CCDC60: variants seen among roughly 807,000 people sequenced by gnomAD.
CCDC60 encodes coiled-coil domain containing 60.
CCDC60 carries 54 observed loss-of-function variants against 63.5 expected under a neutral mutation model. The ratio of observed to expected loss-of-function variants is 0.85; its 90% CI spans 0.68 to 1.07. The LOEUF (loss-of-function observed/expected upper bound fraction) is 1.07. CCDC60 is among the 50% of genes least tolerant of loss of function. The pLI is 0.00. For synonymous variants in CCDC60, 206 were observed against 238.8 expected, an observed-to-expected ratio of 0.86 and a Z score of 1.27; for missense variants, 651 against 684.3, an observed-to-expected ratio of 0.95 and a Z score of 0.54.
intron 2 of CCDC60, among the ~76,000 whole-genome samples, chr12:119,446,859 G>A (rs1950553352): frequency 6.6e-6 from 1 of 152,118 alleles, no homozygotes; most frequent in Non-Finnish European, 1.5e-5. Flanking sequence ...AAAAGTCACA[G>A]GGAGTTGGTG....
intron 9 of CCDC60, 39 bp from the exon 10 acceptor site, chr12:119,522,899 CA>C: frequency 6.2e-7 from 1 of 1,602,822 alleles, no homozygotes; most frequent in Non-Finnish European, 8.5e-7. Context: ...TCTTGAAAAG[CA>C]GACTCTGAGC....
At chr12:119,344,855 T>TCTCTCACACACA (rs1232194303) in intron 1 of CCDC60, among the ~76,000 whole-genome samples, 4 of 114,798 alleles carry the variant, frequency 3.5e-5, no homozygotes, top group Middle Eastern at 4.6e-3. Context: ...TCTCTCTCTC[T>TCTCTCACACACA]CACACACACA....
intron 8 of CCDC60, among the ~76,000 whole-genome samples, chr12:119,519,447 G>GTA (rs2095006369): frequency 7.4e-6 from 1 of 135,690 alleles, no homozygotes; most frequent in Non-Finnish European, 1.5e-5. Flanking sequence ...GCGTGTGTGT[G>GTA]TGTGTATATA....
At chr12:119,405,554 A>T (rs959745277) in intron 1 of CCDC60, among the ~76,000 whole-genome samples, 11 of 152,014 alleles carry the variant, frequency 7.2e-5, no homozygotes, top group South Asian at 2.1e-4. Context: ...TCTCAGATTT[A>T]AAAAAAACCA....
intron 1 of CCDC60, among the ~76,000 whole-genome samples, chr12:119,398,520 C>T (rs35124240): frequency 0.14 from 21,621 of 152,222 alleles, 2,243 homozygotes; most frequent in East Asian, 0.57. Context: ...TCCTCAAGCG[C>T]GGCCAGAGTA....
In CCDC60 at chr12:119,407,409, G is replaced by A. The variant is rs1956513942; in HGVS notation, c.91-21274G>A. On this transcript the variant is annotated intron_variant, in intron 1 of 13. Coordinates refer to ENST00000327554, the MANE Select transcript of CCDC60 (RefSeq NM_178499.5). ...TAGCCAGGCATGGTGGCACGTGCCT[G>A]TGGTCCCAGCTACTTGGGAGCCTCA... Among the ~76,000 whole-genome samples, 3 of 152,146 alleles carry A rather than the reference G, an allele frequency of 2.0e-5. No individual in the cohort carries two copies. The South Asian group carries it at 6.2e-4, about 32-fold the overall frequency.
At chr12:119,432,275 A>G (rs1950241919) in intron 2 of CCDC60, among the ~76,000 whole-genome samples, 1 of 152,210 alleles carries the variant, frequency 6.6e-6, no homozygotes, top group Non-Finnish European at 1.5e-5. Context: ...CAGCTGAGAA[A>G]GAAGATGGCA....
chr12:119,428,773 C>A lies in CCDC60; in HGVS notation c.170+11C>A. 1.9e-6 allele frequency: 3 copies of A among 1,561,578 alleles called. No homozygotes were observed. The South Asian group carries it at 3.4e-5, about 18-fold the overall frequency. ...CCTTATACGAAGCCGGTGAGTGAGC[C>A]CAGCAGGGAATGATCCATAGACAAC... On this transcript the variant is annotated intron_variant, in intron 2 of 13. Coordinates refer to ENST00000327554, the MANE Select transcript of CCDC60 (RefSeq NM_178499.5).
rs1169269931 is a variant in CCDC60 at position 119,516,716 on chromosome 12, TC to T, written c.968+10del. 3 of 1,582,846 alleles carry T rather than the reference TC, an allele frequency of 1.9e-6. No homozygotes were observed. Among genetic ancestry groups the T allele is most frequent in the Non-Finnish European group, 2.6e-6 (3 of 1,152,574 alleles). ...CAAAGAAAAGCACCCAGGTATGTGCTCTTGACTCCTGGGGCAAATAAAGCTT... is the reference window on the plus strand; with the variant it reads ...CAAAGAAAAGCACCCAGGTATGTGCTTTGACTCCTGGGGCAAATAAAGCTT... On this transcript the variant is annotated intron_variant, in intron 8 of 13. Coordinates refer to ENST00000327554, the MANE Select transcript of CCDC60 (RefSeq NM_178499.5).
At chr12:119,470,866 C>A (rs535543568) in intron 2 of CCDC60, among the ~76,000 whole-genome samples, 2 of 152,244 alleles carry the variant, frequency 1.3e-5, no homozygotes, top group South Asian at 2.1e-4. Context: ...AACCATGAAC[C>A]CTGAGGGACC....
At chr12:119,397,036 A>G (rs1296719470) in intron 1 of CCDC60, among the ~76,000 whole-genome samples, 2 of 151,678 alleles carry the variant, frequency 1.3e-5, no homozygotes, top group African/African-American at 2.4e-5. Flanking sequence ...AGACCTTCAC[A>G]GTGCATTTTA....
At chr12:119,475,593 A>T (rs75652860) in intron 3 of CCDC60, among the ~76,000 whole-genome samples, 4,500 of 152,286 alleles carry the variant, frequency 0.03, 94 homozygotes, top group Non-Finnish European at 0.051. Context: ...GGGTGTTATA[A>T]AACAGCATTA....
intron 1 of CCDC60, among the ~76,000 whole-genome samples, chr12:119,426,174 T>C (rs1464323097): frequency 6.6e-6 from 1 of 152,166 alleles, no homozygotes. Flanking sequence ...CCTGGTATAC[T>C]GAAATGAGCA....
At chr12:119,501,671 C>T (rs978896110) in intron 6 of CCDC60, among the ~76,000 whole-genome samples, 6 of 152,068 alleles carry the variant, frequency 3.9e-5, no homozygotes, top group African/African-American at 9.7e-5. Context: ...AGTGTGCATC[C>T]GTCTTCAGAA....
At chr12:119,526,352 G>A (rs1317689739) in intron 11 of CCDC60, among the ~76,000 whole-genome samples, 1 of 152,098 alleles carries the variant, frequency 6.6e-6, no homozygotes, top group African/African-American at 2.4e-5. Context: ...CCTAGGAATG[G>A]GCAAAGATTT....
Position 119,420,196 on chromosome 12 carries a change from T to C in CCDC60, c.91-8487T>C, listed in dbSNP as rs1445310986. On this transcript the variant is annotated intron_variant, in intron 1 of 13. Transcript: ENST00000327554. The surrounding 1 kb of genome is among the most constrained non-coding windows in gnomAD (Gnocchi z 4.1). ...CGGCCTGTTAAGTAATTCTATAGTA[T>C]ATTTCCTATTTCAGTTTGAAGGATC... Among the ~76,000 whole-genome samples the C allele has an allele frequency of 6.6e-6, 1 of 152,104 alleles. No individual in the cohort carries two copies. The highest frequency in any genetic ancestry group is 1.9e-4 in the East Asian group (1 of 5,192).
At chr12:119,505,712 T>C (rs1325073036) in intron 7 of CCDC60, among the ~76,000 whole-genome samples, 3 of 152,230 alleles carry the variant, frequency 2.0e-5, no homozygotes, top group Non-Finnish European at 4.4e-5. Context: ...AAAAATCAGC[T>C]GGGCGTGATG....
chr12:119,447,609 A>T (rs1354300391), intron 2 of CCDC60: 1 of 152,226 alleles, frequency 6.6e-6, no homozygotes, highest in East Asian at 1.9e-4. Flanking sequence ...CCATTTAGTC[A>T]TTAAGCACAA....
At chr12:119,362,446 G>T (rs1955800527) in intron 1 of CCDC60, among the ~76,000 whole-genome samples, 1 of 152,046 alleles carries the variant, frequency 6.6e-6, no homozygotes, top group African/African-American at 2.4e-5. Context: ...CACCACAGAT[G>T]TAACCAGTAT....
Sources: allele counts gnomAD v4.1 joint callset (sites outside exome capture counted in the v4.1 genomes callset), GRCh38; gene constraint gnomAD v4.1.1; non-coding constraint Gnocchi (gnomAD v3.1); transcripts MANE v1.5; gene names NCBI Gene and HGNC (gene_info 2026-07-23, HGNC 2026-07-21).